NRXN3: variants seen among roughly 807,000 people sequenced by gnomAD.
The protein encoded by NRXN3 is neurexin III.
NRXN3 carries 32 observed loss-of-function variants against 137.6 expected under a neutral mutation model. The observed-to-expected ratio is 0.23, with a 90% CI of 0.18 to 0.31. The LOEUF is 0.31. Among genes scored for constraint, NRXN3 ranks in the 10% least tolerant of loss-of-function variants. NRXN3 has a pLI of 1.00. For missense variants in NRXN3, 1,574 were observed against 2,062.5 expected (o/e 0.76, Z 4.59); for synonymous variants, 798 against 784.5 (o/e 1.02, Z -0.29).
chr14:78,270,169 C>T (rs561634491), intron 2 of NRXN3, among the ~76,000 whole-genome samples: 1 of 152,280 alleles, frequency 6.6e-6, no homozygotes, highest in South Asian at 2.1e-4. Flanking sequence ...TAGAACCTGC[C>T]TCTTAACCTC....
chr14:78,494,350 A>C (rs1272957058), intron 4 of NRXN3, among the ~76,000 whole-genome samples: 1 of 151,222 alleles, frequency 6.6e-6, no homozygotes, highest in Non-Finnish European at 1.5e-5. Context: ...TTAGAAACCC[A>C]TATTTGGCGT....
intron 16 of NRXN3, among the ~76,000 whole-genome samples, chr14:79,616,643 T>C (rs1308483273): frequency 1.3e-5 from 2 of 152,232 alleles, no homozygotes; most frequent in Non-Finnish European, 2.9e-5. Context: ...AACCTGCACA[T>C]GTATCCCTGA....
At chr14:78,907,161 C>T (rs537204228) in intron 10 of NRXN3, among the ~76,000 whole-genome samples, 1 of 152,036 alleles carries the variant, frequency 6.6e-6, no homozygotes, top group South Asian at 2.1e-4. Flanking sequence ...AATTGGATTG[C>T]ATATTAAATT....
chr14:78,235,000 A>ATATATATATATATGTG (rs2066014253), intron 1 of NRXN3, among the ~76,000 whole-genome samples: 4 of 38,656 alleles, frequency 1.0e-4, no homozygotes, highest in African/African-American at 3.4e-4. Flanking sequence ...GCTTTTATAT[A>ATATATATATATATGTG]TATATATATA....
intron 15 of NRXN3, among the ~76,000 whole-genome samples, chr14:79,081,642 A>G (rs1378022739): frequency 6.6e-6 from 1 of 151,106 alleles, no homozygotes; most frequent in African/African-American, 2.4e-5. Flanking sequence ...AAATGATATG[A>G]TGTGTCCAAG....
At chr14:78,476,429 G>A (rs2095379213) in intron 4 of NRXN3, among the ~76,000 whole-genome samples, 1 of 152,206 alleles carries the variant, frequency 6.6e-6, no homozygotes, top group African/African-American at 2.4e-5. Flanking sequence ...AAGTGGGGAG[G>A]GCACACGGGT....
At chr14:79,807,536 T>G (rs1223167136) in intron 20 of NRXN3, among the ~76,000 whole-genome samples, 1 of 152,120 alleles carries the variant, frequency 6.6e-6, no homozygotes, top group African/African-American at 2.4e-5. Flanking sequence ...CCAAACTAAA[T>G]CCATTTGTTT....
In NRXN3 at chr14:78,566,400, C is replaced by G. The variant is rs541386662; in HGVS notation, c.758-78720C>G. 3.3e-5 allele frequency among the ~76,000 whole-genome samples: 5 copies of G among 151,756 alleles called. No individual in the cohort carries two copies. In the South Asian group the frequency reaches 6.2e-4, roughly 19 times the overall value. On this transcript the variant is annotated intron_variant, in intron 4 of 20. Coordinates refer to ENST00000335750, the MANE Select transcript of NRXN3 (RefSeq NM_001330195.2). Reference sequence around the variant, plus strand: ...TGTTGGTTTTTTTTTTTTTCTCTCCCCCTTTTCTTTTCCTTCAAGTTTTCC... The same window carrying G: ...TGTTGGTTTTTTTTTTTTTCTCTCCGCCTTTTCTTTTCCTTCAAGTTTTCC...
chr14:79,236,234 C>T (rs2073333805), intron 15 of NRXN3, among the ~76,000 whole-genome samples: 3 of 152,078 alleles, frequency 2.0e-5, no homozygotes, highest in Admixed American at 2.0e-4. Flanking sequence ...CCTTCACGTT[C>T]TCACAAACTT....
chr14:79,127,091 G>A (rs1377724341), intron 15 of NRXN3, among the ~76,000 whole-genome samples: 1 of 152,046 alleles, frequency 6.6e-6, no homozygotes, highest in African/African-American at 2.4e-5. Flanking sequence ...TGTCAGATGA[G>A]TAGGTTGCGA....
chr14:79,640,079 C>G (rs970625829), intron 16 of NRXN3, among the ~76,000 whole-genome samples: 3 of 135,010 alleles, frequency 2.2e-5, no homozygotes, highest in African/African-American at 4.9e-5. Context: ...AATAATTTGT[C>G]CAATAAATGA....
At chr14:79,682,304 GA>G (rs759905298) in intron 17 of NRXN3, among the ~76,000 whole-genome samples, 4 of 152,110 alleles carry the variant, frequency 2.6e-5, no homozygotes, top group Non-Finnish European at 4.4e-5. Context: ...TTTGTAGCCA[GA>G]TTTGAGGCCA....
rs1014205004 is a variant in NRXN3 at position 78,710,023 on chromosome 14, G to A, written c.1660+368G>A. On this transcript the variant is annotated intron_variant, in intron 7 of 20. Coordinates refer to ENST00000335750, the MANE Select transcript of NRXN3 (RefSeq NM_001330195.2). ...CTTTTTCCTCATCACCATGGAAACCGATTGTGACATCACAGATGCTGCATT... is the reference window on the plus strand; with the variant it reads ...CTTTTTCCTCATCACCATGGAAACCAATTGTGACATCACAGATGCTGCATT... The A allele has an allele frequency of 1.2e-4, 27 of 226,454 alleles. No individual in the cohort carries two copies. The South Asian group carries it at 1.2e-3, about 10-fold the overall frequency. 14.0% of individuals were successfully genotyped at this position (226,454 alleles called of 1,614,324 possible). A position where few individuals can be genotyped will look rare whatever the true frequency, so the allele number is the denominator to read the frequency against.
At chr14:79,761,684 CAAAAAAAAAA>C (rs10599873) in intron 19 of NRXN3, among the ~76,000 whole-genome samples, 2 of 78,906 alleles carry the variant, frequency 2.5e-5, no homozygotes, top group African/African-American at 5.3e-5. Flanking sequence ...GACTCTGTCT[CAAAAAAAAAA>C]AAAAAAAAAA....
chr14:79,832,347 T>C (rs1210599481), intron 20 of NRXN3, among the ~76,000 whole-genome samples: 1 of 152,112 alleles, frequency 6.6e-6, no homozygotes, highest in Non-Finnish European at 1.5e-5. Flanking sequence ...GTCTCCTAAG[T>C]TGCATTGTGG....
At chr14:79,613,520 T>G (rs184148373) in intron 16 of NRXN3, among the ~76,000 whole-genome samples, 2 of 152,218 alleles carry the variant, frequency 1.3e-5, no homozygotes, top group Non-Finnish European at 2.9e-5. Flanking sequence ...TAACTTCAAG[T>G]AGCAAATAGA....
intron 4 of NRXN3, among the ~76,000 whole-genome samples, chr14:78,629,412 C>T (rs1841733598): frequency 6.6e-6 from 1 of 152,172 alleles, no homozygotes; most frequent in Admixed American, 6.5e-5. Context: ...GATGGATGCT[C>T]ATAGCTGGTT....
At chr14:79,558,173 A>ACCCCTG (rs2097450380) in intron 16 of NRXN3, among the ~76,000 whole-genome samples, 2 of 151,716 alleles carry the variant, frequency 1.3e-5, no homozygotes, top group African/African-American at 2.4e-5. Flanking sequence ...GAAGCCTTGA[A>ACCCCTG]CCCCTGAAAC....
chr14:78,723,323 C>A (rs575458048), intron 8 of NRXN3, among the ~76,000 whole-genome samples: 1 of 152,062 alleles, frequency 6.6e-6, no homozygotes, highest in Admixed American at 6.6e-5. Context: ...GTCGAGTTTT[C>A]GAACATATCT....
Sources: gnomAD v4.1 joint callset for allele counts (sites outside exome capture counted in the v4.1 genomes callset) on GRCh38, gnomAD v4.1.1 for gene constraint, MANE v1.5 for transcripts, NCBI Gene and HGNC (gene_info 2026-07-23, HGNC 2026-07-21) for gene names.